GRIK2: variants seen among roughly 807,000 people sequenced by gnomAD.
The protein encoded by GRIK2 is glutamate receptor ionotropic, kainate 2.
In GRIK2, 32 loss-of-function variants were observed where a neutral mutation model predicts 100.3. The observed-to-expected ratio is 0.32, with a 90% CI of 0.24 to 0.43. GRIK2 has a LOEUF of 0.43. Ranked by LOEUF, GRIK2 falls within the 20% of genes least tolerant of loss-of-function variation. The pLI is 1.00. For missense variants in GRIK2, 843 were observed against 1,114.9 expected (o/e 0.76, Z 3.47); for synonymous variants, 417 against 389.4 (o/e 1.07, Z -0.83).
intron 2 of GRIK2, among the ~76,000 whole-genome samples, chr6:101,524,718 G>GTTTTTTTTTTTTTTTTTTTTTT (rs11339091): frequency 7.4e-6 from 1 of 134,284 alleles, no homozygotes; most frequent in Non-Finnish European, 1.6e-5. Context: ...TTGCATGTTC[G>GTTTTTTTTTTTTTTTTTTTTTT]TTTTTTTTTT....
At chr6:101,888,795 A>G (rs1430510773) in intron 11 of GRIK2, among the ~76,000 whole-genome samples, 2 of 152,158 alleles carry the variant, frequency 1.3e-5, no homozygotes, top group African/African-American at 2.4e-5. Context: ...AAGTTTTTAC[A>G]TTTATTAATA....
intron 7 of GRIK2, among the ~76,000 whole-genome samples, chr6:101,706,485 C>T (rs1039638806): frequency 6.6e-6 from 1 of 151,676 alleles, no homozygotes; most frequent in African/African-American, 2.4e-5. Flanking sequence ...GTGTATATAT[C>T]ATCAAATATT....
intron 5 of GRIK2, among the ~76,000 whole-genome samples, chr6:101,680,921 C>T (rs534666511): frequency 6.6e-6 from 1 of 152,046 alleles, no homozygotes; most frequent in Non-Finnish European, 1.5e-5. Flanking sequence ...TAATTTGATA[C>T]CTAAATTTCC....
At chr6:101,778,775 A>G (rs1319175761) in intron 7 of GRIK2, among the ~76,000 whole-genome samples, 2 of 152,144 alleles carry the variant, frequency 1.3e-5, no homozygotes, top group Non-Finnish European at 2.9e-5. Context: ...TTTTTCAAAG[A>G]AAAGCTATGT....
chr6:101,773,220 C>A (rs532738504), intron 7 of GRIK2, among the ~76,000 whole-genome samples: 48 of 152,194 alleles, frequency 3.2e-4, no homozygotes, highest in Non-Finnish European at 6.5e-4. Context: ...GTGGCTCATG[C>A]CTGTAATCCC....
chr6:102,015,347 G>A (rs1401834254), intron 14 of GRIK2, among the ~76,000 whole-genome samples: 2 of 152,018 alleles, frequency 1.3e-5, no homozygotes, highest in African/African-American at 4.8e-5. Context: ...TGTGAAATGG[G>A]TTTCCTGAAG....
intron 7 of GRIK2, among the ~76,000 whole-genome samples, chr6:101,767,103 G>C (rs1246253206): frequency 6.6e-6 from 1 of 152,092 alleles, no homozygotes; most frequent in African/African-American, 2.4e-5. Flanking sequence ...GGTAAACATT[G>C]AATACTATCT....
chr6:101,656,548 G>A (rs1156473524), intron 4 of GRIK2, among the ~76,000 whole-genome samples: 1 of 152,058 alleles, frequency 6.6e-6, no homozygotes, highest in Non-Finnish European at 1.5e-5. Flanking sequence ...CACAAATTTA[G>A]TAGCCATTGT....
chr6:102,040,150 C>T (rs762906335), intron 15 of GRIK2, among the ~76,000 whole-genome samples: 27 of 151,378 alleles, frequency 1.8e-4, no homozygotes, highest in Non-Finnish European at 5.9e-5. Context: ...CTGAAATACA[C>T]ACTATACATG....
chr6:101,921,003 T>C (rs771314700), intron 12 of GRIK2, among the ~76,000 whole-genome samples: 14 of 152,024 alleles, frequency 9.2e-5, no homozygotes, highest in Non-Finnish European at 1.9e-4. Context: ...AGACTACTGC[T>C]ATGGATATGA....
chr6:101,771,140 C>T (rs575399377), intron 7 of GRIK2, among the ~76,000 whole-genome samples: 1 of 152,166 alleles, frequency 6.6e-6, no homozygotes, highest in East Asian at 1.9e-4. Context: ...AACTCTAAGA[C>T]TGTTATCATT....
At position 102,058,352 on chromosome 6, in the gene GRIK2, GTCTA is replaced by G. The variant is rs900201045; in HGVS notation, c.2562+2778_2562+2781del. On this transcript the variant is annotated intron_variant, in intron 16 of 16. Coordinates refer to ENST00000369134, the MANE Select transcript of GRIK2 (RefSeq NM_021956.5). ...TATCTATCTACCTATCTATCTATTT[GTCTA>G]TCTATTTACCTACCTACCTATCTAC... 1.3e-4 allele frequency among the ~76,000 whole-genome samples: 19 copies of G among 151,646 alleles called. 1 individual carries two copies. Among genetic ancestry groups the G allele is most frequent in the South Asian group, 1.2e-3 (6 of 4,818 alleles).
chr6:101,818,311 C>T (rs1781756505), intron 9 of GRIK2, 59 bp from the exon 10 acceptor site: 1 of 887,238 alleles, frequency 1.1e-6, no homozygotes, highest in Non-Finnish European at 1.9e-6. Context: ...CTTTCTTTTG[C>T]AGTACTCTCT....
chr6:101,529,209 A>G (rs1029517580), intron 2 of GRIK2, among the ~76,000 whole-genome samples: 1 of 152,094 alleles, frequency 6.6e-6, no homozygotes, highest in Non-Finnish European at 1.5e-5. Context: ...AGTTTACACA[A>G]TTCAGTTTAT....
At chr6:101,707,095 G>T (rs901487339) in intron 7 of GRIK2, among the ~76,000 whole-genome samples, 2 of 151,718 alleles carry the variant, frequency 1.3e-5, no homozygotes, top group South Asian at 2.1e-4. Context: ...TGCATCATAG[G>T]CTCTGAATTT....
At chr6:101,894,539 C>G (rs1007642702) in intron 12 of GRIK2, among the ~76,000 whole-genome samples, 7 of 151,656 alleles carry the variant, frequency 4.6e-5, no homozygotes, top group Non-Finnish European at 1.0e-4. Flanking sequence ...CATGCTTACT[C>G]AGATTTTCCC....
chr6:101,697,562 C>A lies in GRIK2; in HGVS notation c.951+11209C>A, dbSNP rs552309577. On this transcript the variant is annotated intron_variant, in intron 7 of 16. Transcript: ENST00000369134. The stretch of plus-strand genomic sequence containing the variant: ...ATGAAAATGATATGTATCATTTTTT[C>A]TCAATGTCAGATCATTTCGTTTTTA... 2.0e-5 allele frequency among the ~76,000 whole-genome samples: 3 copies of A among 151,986 alleles called. No homozygotes were observed. In the East Asian group the frequency reaches 5.8e-4, roughly 29 times the overall value.
At chr6:101,503,300 A>G (rs1412938077) in intron 2 of GRIK2, among the ~76,000 whole-genome samples, 1 of 152,188 alleles carries the variant, frequency 6.6e-6, no homozygotes, top group African/African-American at 2.4e-5. Flanking sequence ...GATGAGCAGG[A>G]GGTGAGAGCA....
chr6:101,962,867 C>T (rs536319185), intron 14 of GRIK2, among the ~76,000 whole-genome samples: 1 of 151,684 alleles, frequency 6.6e-6, no homozygotes, highest in Non-Finnish European at 1.5e-5. Context: ...TTCTGTATAG[C>T]CTCTCTGTCT....
Sources: allele counts gnomAD v4.1 joint callset (sites outside exome capture counted in the v4.1 genomes callset), GRCh38; gene constraint gnomAD v4.1.1; transcripts MANE v1.5; gene names NCBI Gene and HGNC (gene_info 2026-07-23, HGNC 2026-07-21).